Variants in CSNK2A1 observed in about 807,000 individuals in gnomAD.
The protein encoded by CSNK2A1 is casein kinase II subunit alpha.
Under a neutral mutation model 62.9 loss-of-function variants are expected in CSNK2A1, and 10 were observed. The ratio of observed to expected loss-of-function variants is 0.16; its 90% CI spans 0.10 to 0.27. The LOEUF (loss-of-function observed/expected upper bound fraction) is 0.27. CSNK2A1 is among the 10% of genes least tolerant of loss of function. The pLI is 1.00. For synonymous variants in CSNK2A1, 124 were observed against 167.8 expected (o/e 0.74, Z 2.02); for missense variants, 160 against 492.0 (o/e 0.33, Z 6.38).
intron 1 of CSNK2A1, among the ~76,000 whole-genome samples, chr20:529,737 G>T (rs749525266): frequency 1.3e-5 from 2 of 152,154 alleles, no homozygotes; most frequent in Non-Finnish European, 2.9e-5. Flanking sequence ...TTTTGCTGTT[G>T]TACCTCAAAC....
chr20:478,353 A>G lies in CSNK2A1; in HGVS notation c.*5608T>C, dbSNP rs1319858871. The G allele has an allele frequency of 5.0e-6, 1 of 199,894 alleles. No individual in the cohort carries two copies. Among genetic ancestry groups the G allele is most frequent in the Non-Finnish European group, 1.1e-5 (1 of 94,888 alleles). 12.4% of individuals were successfully genotyped at this position (199,894 alleles called of 1,614,324 possible). On this transcript the variant is annotated 3_prime_UTR_variant, in exon 14 of 14. Transcript: ENST00000217244. ...TTCTTGGAACTGTTCAACACACAGA[A>G]GCAAGGTCCTCTCCTTCTAGGTATG...
intron 2 of CSNK2A1, chr20:510,189 T>G (rs2018688598): frequency 6.6e-6 from 1 of 151,802 alleles, no homozygotes; most frequent in South Asian, 2.1e-4. Context: ...TTTTTTTTTT[T>G]GAGATGGAGT....
intron 8 of CSNK2A1, among the ~76,000 whole-genome samples, chr20:493,737 T>C (rs572349916): frequency 5.3e-5 from 8 of 152,344 alleles, no homozygotes; most frequent in Admixed American, 2.0e-4. Context: ...CAACAAGATA[T>C]AGAACTGTTC....
intron 2 of CSNK2A1, among the ~76,000 whole-genome samples, chr20:516,499 T>C (rs2018831522): frequency 6.6e-6 from 1 of 152,188 alleles, no homozygotes; most frequent in Admixed American, 6.5e-5. Flanking sequence ...CATTAAACCA[T>C]AAGGAAAAAT....
intron 2 of CSNK2A1, among the ~76,000 whole-genome samples, chr20:523,951 G>C (rs925488467): frequency 6.6e-6 from 1 of 151,406 alleles, no homozygotes; most frequent in African/African-American, 2.4e-5. Flanking sequence ...GTTACCAAGG[G>C]TAACATGCAG....
chr20:501,583 C>T (rs958585342), intron 4 of CSNK2A1: 1 of 152,000 alleles, frequency 6.6e-6, no homozygotes, highest in African/African-American at 2.4e-5. Context: ...CCCTTGAAAT[C>T]TAATGTATTT....
chr20:503,892 T>C (rs760567698), intron 4 of CSNK2A1, among the ~76,000 whole-genome samples: 3 of 152,282 alleles, frequency 2.0e-5, no homozygotes, highest in East Asian at 1.9e-4. Flanking sequence ...TATAAATACT[T>C]AGCGGGCAGG....
At chr20:515,803 AAAATG>A (rs1362057621) in intron 2 of CSNK2A1, among the ~76,000 whole-genome samples, 8 of 152,214 alleles carry the variant, frequency 5.3e-5, no homozygotes, top group South Asian at 2.1e-4. Flanking sequence ...TTATTTTTTA[AAAATG>A]AAATGAAAAT....
chr20:520,920 C>T (rs552156880), intron 2 of CSNK2A1, among the ~76,000 whole-genome samples: 16 of 152,132 alleles, frequency 1.1e-4, no homozygotes, highest in Middle Eastern at 3.4e-3. Context: ...GGGTCAGATG[C>T]GGTGGCTCAT....
At chr20:495,512 A>T (rs969101025) in intron 8 of CSNK2A1, 1 of 491,976 alleles carries the variant, frequency 2.0e-6, no homozygotes, top group South Asian at 2.5e-5. Context: ...TGCCCACTTT[A>T]CTCATGTTTC....
intron 8 of CSNK2A1, chr20:492,601 C>T: frequency 2.0e-6 from 1 of 492,788 alleles, no homozygotes; most frequent in Non-Finnish European, 3.6e-6. Context: ...TCTTAAACTG[C>T]TCAATGACTA....
At chr20:525,479 C>G (rs796351371) in intron 2 of CSNK2A1, among the ~76,000 whole-genome samples, 1 of 151,296 alleles carries the variant, frequency 6.6e-6, no homozygotes, top group African/African-American at 2.4e-5. Flanking sequence ...GGTGAAACCC[C>G]GTCTCTACTA....
rs528338249 is a variant in CSNK2A1 at position 486,502 on chromosome 20, A to G, written c.974-40T>C. 4.3e-6 allele frequency: 7 copies of G among 1,609,198 alleles called. No individual in the cohort carries two copies. The South Asian group carries it at 7.7e-5, about 18-fold the overall frequency. Reference sequence around the variant, plus strand: ...AAAAGGCTAGGTTCTGTTTTGCTTGAAAGATTAAACTAATGGTCTGGAAGC... The same window carrying G: ...AAAAGGCTAGGTTCTGTTTTGCTTGGAAGATTAAACTAATGGTCTGGAAGC... On this transcript the variant is annotated intron_variant, in intron 12 of 13. Transcript: ENST00000217244.
At chr20:487,389 G>A (rs771383982) in intron 12 of CSNK2A1, 38 bp downstream of exon 12, 16 of 1,612,248 alleles carry the variant, frequency 9.9e-6, no homozygotes, top group African/African-American at 6.7e-5. Flanking sequence ...AGGACTCTGC[G>A]CCTGCACAAA....
chr20:492,928 C>G lies in CSNK2A1; in HGVS notation c.511-564G>C, dbSNP rs181473379. ...ATAACAGAAAAGTCATACAATACAGCTTTTACCAAAATGCATCCTAAACAT... is the reference window on the plus strand; with the variant it reads ...ATAACAGAAAAGTCATACAATACAGGTTTTACCAAAATGCATCCTAAACAT... On this transcript the variant is annotated intron_variant, in intron 8 of 13. Coordinates refer to ENST00000217244, the MANE Select transcript of CSNK2A1 (RefSeq NM_177559.3). Among the ~76,000 whole-genome samples the G allele has an allele frequency of 2.6e-5, 4 of 152,222 alleles. No individual in the cohort carries two copies. In the East Asian group the frequency reaches 7.7e-4, roughly 29 times the overall value.
At chr20:527,390 C>A (rs1348057506) in intron 2 of CSNK2A1, among the ~76,000 whole-genome samples, 1 of 152,192 alleles carries the variant, frequency 6.6e-6, no homozygotes, top group Non-Finnish European at 1.5e-5. Context: ...CACAGATTAA[C>A]ATTTTCAAAA....
In CSNK2A1 at chr20:511,805, C is replaced by T. The variant is rs756366214; in HGVS notation, c.-109-3145G>A. Among the ~76,000 whole-genome samples, 118 of 152,210 alleles carry T rather than the reference C, an allele frequency of 7.8e-4. 1 individual carries two copies. The highest frequency in any genetic ancestry group is 3.4e-3 in the Middle Eastern group (1 of 294). The stretch of plus-strand genomic sequence containing the variant: ...CACAGCTTGGCTATTGTAAATAATG[C>T]TGCTATGAACATAGGTGTACAAACA... On this transcript the variant is annotated intron_variant, in intron 2 of 13. Coordinates refer to ENST00000217244, the MANE Select transcript of CSNK2A1 (RefSeq NM_177559.3).
chr20:509,636 T>C (rs1387918464), intron 2 of CSNK2A1, among the ~76,000 whole-genome samples: 1 of 152,230 alleles, frequency 6.6e-6, no homozygotes, highest in Non-Finnish European at 1.5e-5. Flanking sequence ...AATGCAGTGG[T>C]GTGATCATGG....
intron 2 of CSNK2A1, among the ~76,000 whole-genome samples, chr20:520,720 A>G: frequency 6.6e-6 from 1 of 152,136 alleles, no homozygotes. Flanking sequence ...GGCTGGTCTC[A>G]AATTTCTGAG....
Sources: allele counts gnomAD v4.1 joint callset (sites outside exome capture counted in the v4.1 genomes callset), GRCh38; gene constraint gnomAD v4.1.1; transcripts MANE v1.5; gene names NCBI Gene and HGNC (gene_info 2026-07-23, HGNC 2026-07-21).